Variants in LNX1 observed in about 807,000 individuals in gnomAD.
LNX1 encodes the protein ligand of numb-protein X 1.
Under a neutral mutation model 68.4 loss-of-function variants are expected in LNX1, and 54 were observed. The observed-to-expected ratio is 0.79, with a 90% CI of 0.63 to 0.99. LNX1 has a LOEUF of 0.99. Ranked by LOEUF, LNX1 falls within the 50% of genes least tolerant of loss-of-function variation. The probability of loss-of-function intolerance (pLI) is 0.00; values close to 1 mark genes in which losing one functional copy is unlikely to be tolerated. For missense variants in LNX1, 906 were observed against 926.4 expected, an observed-to-expected ratio of 0.98 and a Z score of 0.29; for synonymous variants, 336 against 350.0, an observed-to-expected ratio of 0.96 and a Z score of 0.45.
intron 9 of LNX1, among the ~76,000 whole-genome samples, chr4:53,467,986 G>A (rs1315576193): frequency 2.0e-5 from 3 of 152,186 alleles, no homozygotes; most frequent in Admixed American, 6.5e-5. Context: ...AGGAAATACA[G>A]AGAATGCCAC....
At chr4:53,522,623 G>T (rs555072984) in intron 2 of LNX1, among the ~76,000 whole-genome samples, 2 of 152,068 alleles carry the variant, frequency 1.3e-5, no homozygotes, top group Non-Finnish European at 2.9e-5. Flanking sequence ...GTACATACAG[G>T]GTTGAAGACA....
At chr4:53,471,072 A>ATG (rs1192704981) in intron 9 of LNX1, among the ~76,000 whole-genome samples, 2,443 of 29,652 alleles carry the variant, frequency 0.082, 714 homozygotes, top group Middle Eastern at 0.19. Flanking sequence ...GAGGCATCGC[A>ATG]CTACCTGACT....
intron 1 of LNX1, among the ~76,000 whole-genome samples, chr4:53,642,151 G>T (rs1291406794): frequency 1.3e-5 from 2 of 149,956 alleles, no homozygotes; most frequent in African/African-American, 2.5e-5. Flanking sequence ...GAGCTCAAAA[G>T]GTTGAGGCTG....
chr4:53,547,420 G>A (rs1729187854), intron 2 of LNX1, among the ~76,000 whole-genome samples: 1 of 152,192 alleles, frequency 6.6e-6, no homozygotes, highest in Non-Finnish European at 1.5e-5. Context: ...GAGAAGGTAA[G>A]TAACCTGCCC....
At chr4:53,644,300 C>T (rs1025665095) in intron 1 of LNX1, among the ~76,000 whole-genome samples, 1 of 151,966 alleles carries the variant, frequency 6.6e-6, no homozygotes, top group Non-Finnish European at 1.5e-5. Context: ...ACTTGGGAGG[C>T]TGAGGCACGA....
At chr4:53,513,179 G>A (rs752400850) in intron 2 of LNX1, among the ~76,000 whole-genome samples, 18 of 151,884 alleles carry the variant, frequency 1.2e-4, no homozygotes, top group Middle Eastern at 3.4e-3. Flanking sequence ...CCATATTATC[G>A]ATCACGGTCT....
intron 2 of LNX1, among the ~76,000 whole-genome samples, chr4:53,532,593 C>T (rs1728093868): frequency 1.3e-5 from 2 of 152,192 alleles, no homozygotes; most frequent in African/African-American, 4.8e-5. Flanking sequence ...CACAGCACTG[C>T]ATTTTGATAG....
Position 53,563,565 on chromosome 4 carries a change from C to T in LNX1, c.380+10058G>A, listed in dbSNP as rs544129483. Among the ~76,000 whole-genome samples the T allele has an allele frequency of 6.1e-5, 9 of 146,892 alleles. No homozygotes were observed. In the East Asian group the frequency reaches 1.6e-3, roughly 26 times the overall value. On this transcript the variant is annotated intron_variant, in intron 2 of 10. Transcript: ENST00000263925. The stretch of plus-strand genomic sequence containing the variant: ...TTTTTTTTTTTTTGAGACAGAGTCT[C>T]GCTCTGTCACCCAGGCTGGAGTACA...
At chr4:53,481,087 T>A (rs1723882199) in intron 7 of LNX1, among the ~76,000 whole-genome samples, 1 of 152,082 alleles carries the variant, frequency 6.6e-6, no homozygotes, top group African/African-American at 2.4e-5. Context: ...CAGAGAGAAG[T>A]ACAAATTGGG....
intron 8 of LNX1, among the ~76,000 whole-genome samples, chr4:53,477,958 C>T (rs1427912724): frequency 2.0e-5 from 3 of 152,144 alleles, no homozygotes; most frequent in Non-Finnish European, 2.9e-5. Context: ...CATAATTCCT[C>T]ACCCATCTGA....
At chr4:53,572,219 TG>T (rs1239803110) in intron 2 of LNX1, among the ~76,000 whole-genome samples, 1 of 152,072 alleles carries the variant, frequency 6.6e-6, no homozygotes, top group African/African-American at 2.4e-5. Context: ...CTCCCATACC[TG>T]GGCAAAACTT....
chr4:53,526,786 T>C (rs1201289206), intron 2 of LNX1, among the ~76,000 whole-genome samples: 1 of 151,986 alleles, frequency 6.6e-6, no homozygotes, highest in Non-Finnish European at 1.5e-5. Flanking sequence ...CTGGAACTTA[T>C]CAGTTGTGAA....
intron 2 of LNX1, among the ~76,000 whole-genome samples, chr4:53,554,994 C>T (rs1729800632): frequency 6.6e-6 from 1 of 152,104 alleles, no homozygotes; most frequent in African/African-American, 2.4e-5. Context: ...GAGTGCATTG[C>T]TGTTAGAGAG....
chr4:53,554,874 C>T (rs534550417), intron 2 of LNX1, among the ~76,000 whole-genome samples: 1 of 151,224 alleles, frequency 6.6e-6, no homozygotes, highest in East Asian at 1.9e-4. Flanking sequence ...AAAATCCTGC[C>T]TTGCCCCTGC....
chr4:53,470,804 G>A (rs1723106352), intron 9 of LNX1, among the ~76,000 whole-genome samples: 1 of 151,920 alleles, frequency 6.6e-6, no homozygotes, highest in African/African-American at 2.4e-5. Context: ...ACCTCTTCAA[G>A]GAGAACTACA....
chr4:53,641,860 A>T (rs1345512543), intron 1 of LNX1, among the ~76,000 whole-genome samples: 1 of 152,182 alleles, frequency 6.6e-6, no homozygotes, highest in Non-Finnish European at 1.5e-5. Flanking sequence ...TCAACAGTTC[A>T]TTCCTTTTTT....
intron 2 of LNX1, among the ~76,000 whole-genome samples, chr4:53,568,733 C>A (rs889179380): frequency 6.6e-5 from 10 of 151,970 alleles, no homozygotes; most frequent in Admixed American, 2.0e-4. Flanking sequence ...TCCCTGTTTG[C>A]AGATGACATG....
At chr4:53,511,902 GT>G (rs1383257088) in intron 2 of LNX1, among the ~76,000 whole-genome samples, 1 of 152,134 alleles carries the variant, frequency 6.6e-6, no homozygotes, top group African/African-American at 2.4e-5. Flanking sequence ...TAGAATAAGA[GT>G]TGTTCACAAA....
chr4:53,534,256 G>C (rs1342900352), intron 2 of LNX1, among the ~76,000 whole-genome samples: 1 of 152,120 alleles, frequency 6.6e-6, no homozygotes, highest in Non-Finnish European at 1.5e-5. Context: ...GGCTCTTAAA[G>C]GGTCTCTGTG....
Sources: allele counts gnomAD v4.1 joint callset (sites outside exome capture counted in the v4.1 genomes callset), GRCh38; gene constraint gnomAD v4.1.1; transcripts MANE v1.5; gene names NCBI Gene and HGNC (gene_info 2026-07-23, HGNC 2026-07-21).